The following BBS9 variants were observed in gnomAD, a reference collection of about 807,000 sequenced individuals.
BBS9 encodes Bardet-Biedl syndrome 9.
BBS9 carries 89 observed loss-of-function variants against 117.7 expected under a neutral mutation model. The ratio of observed to expected loss-of-function variants is 0.76; its 90% CI spans 0.64 to 0.90. The LOEUF (loss-of-function observed/expected upper bound fraction) is 0.90, where lower values mean the gene tolerates loss of function less well. BBS9 is among the 40% of genes least tolerant of loss of function. The pLI is 0.00. For synonymous variants in BBS9, 379 were observed against 370.9 expected (o/e 1.02, Z -0.25); for missense variants, 982 against 1,042.2 (o/e 0.94, Z 0.80).
chr7:33,184,381 G>A lies in BBS9; in HGVS notation c.442+6790G>A, dbSNP rs138018228. ...CCCCCCACAGCCATCAGCAAAGAGC[G>A]CAAGGCAGATTAATCCAAAGAAAAT... is the stretch of plus-strand genomic sequence containing the variant. On this transcript the variant is annotated intron_variant, in intron 5 of 22. Coordinates refer to ENST00000242067, the MANE Select transcript of BBS9 (RefSeq NM_198428.3). Among the ~76,000 whole-genome samples, 99 of 152,244 alleles carry A rather than the reference G, an allele frequency of 6.5e-4. 1 individual carries two copies. In the East Asian group the frequency reaches 7.9e-3, roughly 12 times the overall value.
chr7:33,507,048 A>G (rs1313108465), intron 20 of BBS9, among the ~76,000 whole-genome samples: 1 of 152,152 alleles, frequency 6.6e-6, no homozygotes, highest in Non-Finnish European at 1.5e-5. Context: ...ACTGTTCTAA[A>G]TCTCTCTTCT....
chr7:33,527,282 C>G (rs7805830), intron 20 of BBS9, among the ~76,000 whole-genome samples: 14,458 of 152,236 alleles, frequency 0.095, 768 homozygotes, highest in African/African-American at 0.14. Context: ...CCCCCCAGTT[C>G]GAGCTTCCTG....
intron 21 of BBS9, among the ~76,000 whole-genome samples, chr7:33,592,398 T>C (rs1460338816): frequency 5.3e-5 from 8 of 152,166 alleles, no homozygotes; most frequent in Non-Finnish European, 1.0e-4. Context: ...ATACTTGCCA[T>C]GTCATGTCCC....
intron 19 of BBS9, among the ~76,000 whole-genome samples, chr7:33,423,100 A>C (rs1182930536): frequency 6.6e-6 from 1 of 152,140 alleles, no homozygotes; most frequent in Non-Finnish European, 1.5e-5. Context: ...CTGATTTAGG[A>C]GGTAGAAAGT....
At chr7:33,401,736 T>G (rs545937985) in intron 19 of BBS9, among the ~76,000 whole-genome samples, 1 of 152,330 alleles carries the variant, frequency 6.6e-6, no homozygotes, top group African/African-American at 2.4e-5. Context: ...GGCAGCAGGC[T>G]TCAGAGAACA....
At chr7:33,139,805 T>C (rs559478090) in intron 1 of BBS9, among the ~76,000 whole-genome samples, 57 of 152,332 alleles carry the variant, frequency 3.7e-4, no homozygotes, top group African/African-American at 1.3e-3. Context: ...GATCACTTAC[T>C]CTTTGGTTGG....
chr7:33,490,673 A>G (rs1390322993), intron 19 of BBS9, among the ~76,000 whole-genome samples: 2 of 152,170 alleles, frequency 1.3e-5, no homozygotes, highest in Non-Finnish European at 2.9e-5. Flanking sequence ...CTCAATTTGT[A>G]CTCTTTGAAG....
intron 19 of BBS9, among the ~76,000 whole-genome samples, chr7:33,461,489 T>G (rs773748315): frequency 6.6e-6 from 1 of 151,936 alleles, no homozygotes; most frequent in East Asian, 1.9e-4. Flanking sequence ...AAAAAAACTT[T>G]GGATAATTTC....
At chr7:33,199,393 T>C (rs1170701930) in intron 5 of BBS9, among the ~76,000 whole-genome samples, 1 of 151,934 alleles carries the variant, frequency 6.6e-6, no homozygotes, top group East Asian at 1.9e-4. Context: ...TCCTGTAAAT[T>C]TCCCCCAGTT....
intron 6 of BBS9, among the ~76,000 whole-genome samples, chr7:33,258,617 A>G (rs1583926394): frequency 6.6e-6 from 1 of 152,160 alleles, no homozygotes; most frequent in Non-Finnish European, 1.5e-5. Flanking sequence ...AGAGGTTGGG[A>G]AAAATATCTG....
intron 21 of BBS9, among the ~76,000 whole-genome samples, chr7:33,596,391 C>CTATCTATCTATA (rs968148294): frequency 0.019 from 2,870 of 150,484 alleles, 37 homozygotes; most frequent in South Asian, 0.05. Context: ...ATCTATCTAT[C>CTATCTATCTATA]TATATATAAT....
At chr7:33,485,678 A>G (rs1376141110) in intron 19 of BBS9, among the ~76,000 whole-genome samples, 2 of 152,188 alleles carry the variant, frequency 1.3e-5, no homozygotes, top group South Asian at 2.1e-4. Flanking sequence ...CTGAGTCTTT[A>G]TAAGGTAGAC....
intron 9 of BBS9, among the ~76,000 whole-genome samples, chr7:33,298,248 G>A (rs953392028): frequency 2.6e-5 from 4 of 151,918 alleles, no homozygotes; most frequent in Admixed American, 6.6e-5. Context: ...AGAAGACTCC[G>A]ACCATGGCTG....
At chr7:33,173,201 C>G (rs1480870488) in intron 4 of BBS9, among the ~76,000 whole-genome samples, 2 of 152,134 alleles carry the variant, frequency 1.3e-5, no homozygotes, top group Admixed American at 1.3e-4. Flanking sequence ...GCCTATTTTG[C>G]CTGAGGGCCT....
At chr7:33,463,916 T>C (rs9886325) in intron 19 of BBS9, among the ~76,000 whole-genome samples, 37,591 of 152,006 alleles carry the variant, frequency 0.25, 5,097 homozygotes, top group Admixed American at 0.39. Flanking sequence ...AATATTTTTC[T>C]GGATGTATCC....
At chr7:33,188,283 T>C (rs1783497067) in intron 5 of BBS9, among the ~76,000 whole-genome samples, 1 of 152,188 alleles carries the variant, frequency 6.6e-6, no homozygotes, top group African/African-American at 2.4e-5. Flanking sequence ...GTCTTTAGCC[T>C]TTGTTGCCCA....
chr7:33,397,128 A>G (rs1234802689), intron 19 of BBS9, among the ~76,000 whole-genome samples: 1 of 152,210 alleles, frequency 6.6e-6, no homozygotes, highest in African/African-American at 2.4e-5. Flanking sequence ...CAAATTTACA[A>G]GAAAAAAAAT....
chr7:33,414,819 C>T (rs770101883), intron 19 of BBS9, among the ~76,000 whole-genome samples: 8 of 148,192 alleles, frequency 5.4e-5, no homozygotes, highest in South Asian at 2.2e-4. Flanking sequence ...AGATGTTGGG[C>T]CAGGTTCTGT....
intron 19 of BBS9, among the ~76,000 whole-genome samples, chr7:33,473,117 G>A (rs10486535): frequency 0.19 from 28,498 of 152,016 alleles, 2,756 homozygotes; most frequent in South Asian, 0.27. Flanking sequence ...AACCATCCTT[G>A]GAATGTTAGT....
Sources: allele counts gnomAD v4.1 joint callset (sites outside exome capture counted in the v4.1 genomes callset), GRCh38; gene constraint gnomAD v4.1.1; transcripts MANE v1.5; gene names NCBI Gene and HGNC (gene_info 2026-07-23, HGNC 2026-07-21).